The following ACTN2 variants were observed in gnomAD, a reference collection of about 807,000 sequenced individuals.
ACTN2 encodes the protein actinin alpha 2.
Under a neutral mutation model 113.8 loss-of-function variants are expected in ACTN2, and 39 were observed. The ratio of observed to expected loss-of-function variants is 0.34; its 90% CI spans 0.27 to 0.45. The LOEUF (loss-of-function observed/expected upper bound fraction) is 0.45. ACTN2 is among the 20% of genes least tolerant of loss of function. The pLI is 1.00. For missense variants in ACTN2, 992 were observed against 1,177.9 expected (o/e 0.84, Z 2.31); for synonymous variants, 429 against 444.1 (o/e 0.97, Z 0.43).
At chr1:236,720,282 C>A in intron 4 of ACTN2, 91 bp downstream of exon 4, 2 of 1,035,834 alleles carry the variant, frequency 1.9e-6, no homozygotes, top group South Asian at 1.3e-5. Flanking sequence ...GTCCAACAGT[C>A]ACTTACATGA....
intron 1 of ACTN2, among the ~76,000 whole-genome samples, chr1:236,700,720 C>A (rs1284249662): frequency 6.6e-6 from 1 of 152,130 alleles, no homozygotes; most frequent in Non-Finnish European, 1.5e-5. Flanking sequence ...CTCCACCACC[C>A]CCGGAATACA....
At chr1:236,727,434 G>A (rs776916211) in intron 5 of ACTN2, among the ~76,000 whole-genome samples, 10 of 152,098 alleles carry the variant, frequency 6.6e-5, no homozygotes, top group East Asian at 1.9e-4. Flanking sequence ...GTGCCAGCAC[G>A]GACCAGATCA....
chr1:236,720,303 G>C, intron 4 of ACTN2, 112 bp downstream of exon 4: 1 of 872,870 alleles, frequency 1.1e-6, no homozygotes, highest in African/African-American at 1.7e-5. Flanking sequence ...TTGAATGAGA[G>C]ACATGTAAGT....
At chr1:236,697,748 A>C (rs1176410283) in intron 1 of ACTN2, among the ~76,000 whole-genome samples, 1 of 149,048 alleles carries the variant, frequency 6.7e-6, no homozygotes, top group African/African-American at 2.5e-5. Context: ...CTTTTAGCTC[A>C]CGAAACAAGT....
intron 7 of ACTN2, among the ~76,000 whole-genome samples, chr1:236,732,424 T>TATTTTTA (rs369586620): frequency 1.7e-5 from 2 of 120,220 alleles, no homozygotes; most frequent in African/African-American, 7.5e-5. Flanking sequence ...CTTTTCTTTT[T>TATTTTTA]CTTTTTATTT....
chr1:236,711,986 A>T (rs1295140181), intron 1 of ACTN2, among the ~76,000 whole-genome samples: 1 of 152,232 alleles, frequency 6.6e-6, no homozygotes, highest in Non-Finnish European at 1.5e-5. Context: ...AAGAAAGGAC[A>T]TATGGCTTGG....
At chr1:236,737,022 C>A in intron 8 of ACTN2, 100 bp from the exon 9 acceptor site, 1 of 954,994 alleles carries the variant, frequency 1.0e-6, no homozygotes, top group Non-Finnish European at 1.6e-6. Context: ...GTCTACAGCA[C>A]GCCACCCTCC....
At chr1:236,721,551 A>G (rs1658396179) in intron 4 of ACTN2, among the ~76,000 whole-genome samples, 1 of 152,242 alleles carries the variant, frequency 6.6e-6, no homozygotes, top group South Asian at 2.1e-4. Flanking sequence ...TTGAATTAAT[A>G]CATAGTCTGA....
intron 12 of ACTN2, 132 bp from the exon 13 acceptor site, chr1:236,747,535 C>T: frequency 1.3e-6 from 1 of 785,350 alleles, no homozygotes; most frequent in Non-Finnish European, 2.1e-6. Context: ...TCAGCCCACT[C>T]TCTATGTCCA....
intron 1 of ACTN2, among the ~76,000 whole-genome samples, chr1:236,709,322 A>ATATG (rs1657946412): frequency 7.1e-6 from 1 of 140,588 alleles, no homozygotes; most frequent in African/African-American, 2.7e-5. Context: ...ATATGTATAT[A>ATATG]TATACATGTA....
chr1:236,707,372 G>C (rs981991069), intron 1 of ACTN2, among the ~76,000 whole-genome samples: 1 of 152,232 alleles, frequency 6.6e-6, no homozygotes, highest in Admixed American at 6.5e-5. Flanking sequence ...CTAAGCAACA[G>C]CATGTTTTTC....
At chr1:236,695,573 TG>T (rs1657473314) in intron 1 of ACTN2, among the ~76,000 whole-genome samples, 1 of 115,718 alleles carries the variant, frequency 8.6e-6, no homozygotes, top group Non-Finnish European at 1.7e-5. Context: ...TCCCCCCCCC[TG>T]CCCAGATTGA....
chr1:236,734,469 T>C (rs1658806835), intron 7 of ACTN2: 1 of 1,535,946 alleles, frequency 6.5e-7, no homozygotes. Context: ...GAAAGAGCCA[T>C]AATGACTTAT....
chr1:236,728,097 T>C (rs1333556112), intron 6 of ACTN2, among the ~76,000 whole-genome samples: 1 of 152,044 alleles, frequency 6.6e-6, no homozygotes, highest in African/African-American at 2.4e-5. Context: ...ATATGAGAAG[T>C]GAAACCTCTA....
intron 1 of ACTN2, among the ~76,000 whole-genome samples, chr1:236,703,977 G>A (rs1026500793): frequency 1.3e-5 from 2 of 152,132 alleles, no homozygotes; most frequent in African/African-American, 4.8e-5. Context: ...ATAAATGTAA[G>A]ATCTTTATGA....
intron 7 of ACTN2, chr1:236,734,390 G>A (rs1658803703): frequency 1.4e-6 from 2 of 1,388,120 alleles, no homozygotes; most frequent in East Asian, 2.5e-5. Context: ...AAGCCTGCTG[G>A]TATTAGAACA....
At chr1:236,699,751 A>T (rs368966910) in intron 1 of ACTN2, among the ~76,000 whole-genome samples, 1 of 152,194 alleles carries the variant, frequency 6.6e-6, no homozygotes, top group South Asian at 2.1e-4. Flanking sequence ...AATCCTGTTT[A>T]TTTAAAGTTT....
intron 1 of ACTN2, among the ~76,000 whole-genome samples, chr1:236,700,308 G>A (rs1039522941): frequency 1.3e-4 from 20 of 151,994 alleles, no homozygotes; most frequent in African/African-American, 4.6e-4. Context: ...TCAGCCTCCC[G>A]AGTAGCTGGG....
In ACTN2 at chr1:236,743,056, G is replaced by C. The variant is rs1659121765; in HGVS notation, c.1255+13G>C. 2 of 1,614,010 alleles carry C rather than the reference G, an allele frequency of 1.2e-6. No individual in the cohort carries two copies. The highest frequency in any genetic ancestry group is 1.7e-6 in the Non-Finnish European group (2 of 1,180,012). On this transcript the variant is annotated intron_variant, in intron 11 of 20. Transcript: ENST00000366578. ...ACTTGGGCTTATGGTAAGTAGACAGGAGTCAGATTGGATTTTTGAAAAACC... is the reference window on the plus strand; with the variant it reads ...ACTTGGGCTTATGGTAAGTAGACAGCAGTCAGATTGGATTTTTGAAAAACC...
Sources: allele counts gnomAD v4.1 joint callset (sites outside exome capture counted in the v4.1 genomes callset), GRCh38; gene constraint gnomAD v4.1.1; transcripts MANE v1.5; gene names NCBI Gene and HGNC (gene_info 2026-07-23, HGNC 2026-07-21).